Variants in SRRM4 observed in about 807,000 individuals in gnomAD.
SRRM4 encodes serine/arginine repetitive matrix 4, also known as serine/arginine repetitive matrix protein 4.
SRRM4 carries 33 observed loss-of-function variants against 68.9 expected under a neutral mutation model. That is an observed-to-expected ratio of 0.48 (90% CI 0.36 to 0.64). SRRM4 has a LOEUF of 0.64. Ranked by LOEUF, SRRM4 falls within the 30% of genes least tolerant of loss-of-function variation. The pLI, the probability that SRRM4 is intolerant of heterozygous loss-of-function variation, is 0.00. For missense variants in SRRM4, 817 were observed against 827.1 expected (o/e 0.99, Z 0.15); for synonymous variants, 318 against 318.8 (o/e 1.00, Z 0.03).
intron 1 of SRRM4, among the ~76,000 whole-genome samples, chr12:119,084,142 T>C (rs1953966080): frequency 6.6e-6 from 1 of 152,166 alleles, no homozygotes; most frequent in South Asian, 2.1e-4. Flanking sequence ...AGCAAGTCTG[T>C]GGCACAGCTG....
intron 1 of SRRM4, among the ~76,000 whole-genome samples, chr12:119,054,282 T>C (rs1158954630): frequency 1.3e-5 from 2 of 152,236 alleles, no homozygotes; most frequent in Non-Finnish European, 2.9e-5. Context: ...TATCCATCCA[T>C]GTAACAGTAA....
intron 1 of SRRM4, among the ~76,000 whole-genome samples, chr12:119,078,124 C>A (rs1033042410): frequency 2.0e-5 from 3 of 152,124 alleles, no homozygotes; most frequent in African/African-American, 7.2e-5. Context: ...GTGGGATGTA[C>A]GTTATTCACG....
intron 1 of SRRM4, among the ~76,000 whole-genome samples, chr12:118,994,773 G>A (rs893981409): frequency 3.3e-5 from 5 of 152,174 alleles, no homozygotes; most frequent in African/African-American, 1.2e-4. Context: ...AACTCGAGTG[G>A]TTGCTGATTC....
intron 9 of SRRM4, among the ~76,000 whole-genome samples, chr12:119,147,982 T>C (rs1354554647): frequency 6.6e-6 from 1 of 152,232 alleles, no homozygotes; most frequent in African/African-American, 2.4e-5. Context: ...CTCAGCCTGG[T>C]GCTGGGGATT....
intron 1 of SRRM4, among the ~76,000 whole-genome samples, chr12:119,100,824 A>T (rs1954073839): frequency 6.6e-6 from 1 of 152,202 alleles, no homozygotes; most frequent in South Asian, 2.1e-4. Context: ...TAACCCCCAT[A>T]GGAGGGAGGT....
intron 5 of SRRM4, among the ~76,000 whole-genome samples, chr12:119,121,269 C>T (rs539944935): frequency 3.2e-4 from 49 of 152,228 alleles, no homozygotes; most frequent in Non-Finnish European, 5.9e-4. Flanking sequence ...AATAAAATTG[C>T]CCCTTCCCAG....
At chr12:119,111,558 T>A (rs1036845418) in intron 2 of SRRM4, among the ~76,000 whole-genome samples, 1 of 152,242 alleles carries the variant, frequency 6.6e-6, no homozygotes, top group African/African-American at 2.4e-5. Flanking sequence ...CTAAAAGATT[T>A]TTTTTTCTCT....
chr12:119,012,684 T>C (rs1439534498), intron 1 of SRRM4, among the ~76,000 whole-genome samples: 1 of 152,214 alleles, frequency 6.6e-6, no homozygotes, highest in East Asian at 1.9e-4. Flanking sequence ...TTCAGCCACA[T>C]GTGGTCTCTA....
In SRRM4 at chr12:118,981,914, T is replaced by A; in HGVS notation, c.32T>A (p.Leu11His). The A allele has an allele frequency of 1.9e-6, 3 of 1,613,616 alleles. No homozygotes were observed. The highest frequency in any genetic ancestry group is 2.5e-6 in the Non-Finnish European group (3 of 1,179,784). The change falls in exon 1 of 13, where the codon CTT (leucine) becomes CAT (histidine). Residue 11 changes from leucine to histidine, a missense_variant. Leu to His is a moderately conservative substitution (Grantham distance 99). Transcript: ENST00000267260. ...AGCGTTCAGCAAGGCGAGAAGCAGC[T>A]TTTTGAGAAGTTCTGGCGAGGAACC... MASVQQGEKQ[L>H]FEKFWRGTFK...
At chr12:119,134,846 A>C (rs992821431) in intron 8 of SRRM4, among the ~76,000 whole-genome samples, 3 of 152,208 alleles carry the variant, frequency 2.0e-5, no homozygotes, top group East Asian at 3.9e-4. Flanking sequence ...ATGTCTGAGA[A>C]GGCTTTACCA....
At chr12:118,983,883 C>A (rs571242904) in intron 1 of SRRM4, among the ~76,000 whole-genome samples, 73 of 152,290 alleles carry the variant, frequency 4.8e-4, no homozygotes, top group African/African-American at 1.7e-3. Flanking sequence ...AATCCTGAGA[C>A]TTTTATAATA....
chr12:119,122,219 A>G, intron 6 of SRRM4, 99 bp downstream of exon 6: 1 of 690,420 alleles, frequency 1.4e-6, no homozygotes, highest in Non-Finnish European at 2.5e-6. Flanking sequence ...TAAACAGGGA[A>G]AGGGAGGAGA....
At chr12:118,993,251 G>A (rs1953328547) in intron 1 of SRRM4, among the ~76,000 whole-genome samples, 1 of 152,208 alleles carries the variant, frequency 6.6e-6, no homozygotes, top group Non-Finnish European at 1.5e-5. Flanking sequence ...CACCAGGCAA[G>A]GGTGGGAATG....
intron 1 of SRRM4, among the ~76,000 whole-genome samples, chr12:119,006,240 C>G (rs1953415457): frequency 1.3e-5 from 2 of 152,142 alleles, no homozygotes; most frequent in African/African-American, 2.4e-5. Context: ...TCCATCTGCT[C>G]TCAACTTAAC....
At chr12:119,118,755 T>C (rs1459414257) in intron 4 of SRRM4, among the ~76,000 whole-genome samples, 1 of 152,208 alleles carries the variant, frequency 6.6e-6, no homozygotes, top group Admixed American at 6.5e-5. Context: ...ATATTTGGGC[T>C]CTGGAAGCCA....
chr12:119,014,962 A>G (rs1323632853), intron 1 of SRRM4, among the ~76,000 whole-genome samples: 2 of 152,226 alleles, frequency 1.3e-5, no homozygotes, highest in Non-Finnish European at 2.9e-5. Context: ...TTATGGCAGC[A>G]TTGCTGTAAT....
Position 119,145,448 on chromosome 12 carries a change from G to A in SRRM4, c.839G>A (p.Gly280Glu). ...KTASPLTTSR[G>E]RSQEYDSGND... ...GCCAGCCCGCTCACCACCTCGCGAG[G>A]ACGTTCCCAGGAGTACGACTCAGGA... The change falls in exon 9 of 13, where the codon GGA becomes GAA. Residue 280 changes from glycine (G) to glutamate (E), a missense_variant. By Grantham distance (98) the Gly-to-Glu change is moderately conservative. Coordinates refer to ENST00000267260, the MANE Select transcript of SRRM4 (RefSeq NM_194286.4). The A allele has an allele frequency of 1.2e-6, 2 of 1,608,288 alleles. No homozygotes were observed. The highest frequency in any genetic ancestry group is 1.7e-6 in the Non-Finnish European group (2 of 1,177,522).
At position 119,156,650 on chromosome 12, in the gene SRRM4, G is replaced by A. The variant is rs780766753; in HGVS notation, c.1688G>A (p.Arg563Gln). Residue 563 changes from arginine to glutamine, a missense_variant, in exon 13 of 13, where the codon CGG becomes CAG. Transcript: ENST00000267260. ...RSRSRSRRRS[R>Q]TRTSSSSSSR... ...CGGAGCCGGAGCCGGAGACGGAGCCGGACCCGCACGAGCAGCAGCTCTAGC... is the reference window on the plus strand; with the variant it reads ...CGGAGCCGGAGCCGGAGACGGAGCCAGACCCGCACGAGCAGCAGCTCTAGC... 7 of 1,582,446 alleles carry A rather than the reference G, an allele frequency of 4.4e-6. No individual in the cohort carries two copies. Among genetic ancestry groups the A allele is most frequent in the Admixed American group, 1.8e-5 (1 of 55,842 alleles).
Position 119,157,074 on chromosome 12 carries a change from A to C in SRRM4, c.*276A>C. On this transcript the variant is annotated 3_prime_UTR_variant, in exon 13 of 13. Coordinates refer to ENST00000267260, the MANE Select transcript of SRRM4 (RefSeq NM_194286.4). This position sits in a 1 kb window ranked among gnomAD's most constrained non-coding sequence, Gnocchi z 4.1. ...ACAAAAAAAGAAGAAAGAAAAGAAA[A>C]CTTCAAGGTTTTGTGAGAAGCAATG... 2 of 432,730 alleles carry C rather than the reference A, an allele frequency of 4.6e-6. No individual in the cohort carries two copies. Among genetic ancestry groups the C allele is most frequent in the East Asian group, 3.7e-5 (1 of 26,972 alleles). The allele number at this position is 432,730 out of a possible 1,614,324, so 26.8% of individuals were successfully genotyped here.
Sources: gnomAD v4.1 joint callset for allele counts (sites outside exome capture counted in the v4.1 genomes callset) on GRCh38, gnomAD v4.1.1 for gene constraint, Gnocchi (gnomAD v3.1) non-coding constraint, MANE v1.5 for transcripts, NCBI Gene and HGNC (gene_info 2026-07-23, HGNC 2026-07-21) for gene names.